ERBB4: variants seen among roughly 807,000 people sequenced by gnomAD.
ERBB4 encodes the protein receptor tyrosine-protein kinase erbB-4.
ERBB4 carries 42 observed loss-of-function variants against 158.0 expected under a neutral mutation model. The ratio of observed to expected loss-of-function variants is 0.27; its 90% CI spans 0.21 to 0.34. The LOEUF (loss-of-function observed/expected upper bound fraction) is 0.34. Among genes scored for constraint, ERBB4 ranks in the 10% least tolerant of loss-of-function variants. ERBB4 has a pLI of 1.00. For missense variants in ERBB4, 1,333 were observed against 1,624.1 expected, an observed-to-expected ratio of 0.82 and a Z score of 3.08; for synonymous variants, 583 against 558.7, an observed-to-expected ratio of 1.04 and a Z score of -0.61.
At chr2:212,131,292 A>G (rs911498863) in intron 1 of ERBB4, among the ~76,000 whole-genome samples, 1 of 152,200 alleles carries the variant, frequency 6.6e-6, no homozygotes, top group South Asian at 2.1e-4. Flanking sequence ...TTCGCAACCC[A>G]GAGAACAGAA....
At chr2:212,399,536 T>TTATATATACATATATATATATA (rs1231141165) in intron 1 of ERBB4, among the ~76,000 whole-genome samples, 1 of 20,792 alleles carries the variant, frequency 4.8e-5, no homozygotes, top group Non-Finnish European at 1.0e-4. Flanking sequence ...GATATATATT[T>TTATATATACATATATATATATA]TATATATACA....
intron 20 of ERBB4, among the ~76,000 whole-genome samples, chr2:211,465,941 G>T (rs770968145): frequency 6.6e-6 from 1 of 152,106 alleles, no homozygotes; most frequent in Non-Finnish European, 1.5e-5. Flanking sequence ...GTCTTAATCG[G>T]TGCTGAAGCT....
At chr2:211,657,454 A>G in intron 16 of ERBB4, 1 of 367,806 alleles carries the variant, frequency 2.7e-6, no homozygotes, top group Non-Finnish European at 5.2e-6. Context: ...GGTTGCAGTG[A>G]GCCAAGATCA....
At chr2:212,079,649 A>C (rs2078377553) in intron 2 of ERBB4, among the ~76,000 whole-genome samples, 1 of 152,086 alleles carries the variant, frequency 6.6e-6, no homozygotes, top group South Asian at 2.1e-4. Context: ...AAACCAAATA[A>C]ATATCATCAT....
rs1457159028 is a variant in ERBB4 at position 212,381,635 on chromosome 2, A to C, written c.82+156814T>G. On this transcript the variant is annotated intron_variant, in intron 1 of 27. Transcript: ENST00000342788. ...AATTAGTCATGTCTCCAATTGCCTT[A>C]TTAGATTTATTCATGACGGAATCAT... 2.0e-5 allele frequency among the ~76,000 whole-genome samples: 3 copies of C among 151,326 alleles called. No individual in the cohort carries two copies. In the East Asian group the frequency reaches 5.8e-4, roughly 29 times the overall value.
intron 16 of ERBB4, among the ~76,000 whole-genome samples, chr2:211,642,878 T>C (rs1298005539): frequency 1.3e-5 from 2 of 152,156 alleles, no homozygotes; most frequent in Non-Finnish European, 2.9e-5. Context: ...GGAAAGAAAA[T>C]GAGAAGAGTT....
chr2:211,937,393 T>C (rs1377587908), intron 3 of ERBB4, among the ~76,000 whole-genome samples: 1 of 152,138 alleles, frequency 6.6e-6, no homozygotes. Flanking sequence ...TAGAAATAAT[T>C]CTTAACAGAT....
rs559224814 is a variant in ERBB4, at chr2:211,661,494, G to C, written c.1872-3666C>G. On this transcript the variant is annotated intron_variant, in intron 15 of 27. Coordinates refer to ENST00000342788, the MANE Select transcript of ERBB4 (RefSeq NM_005235.3). The stretch of plus-strand genomic sequence containing the variant: ...ATTCCAAAACAATATCTAAAGTTCT[G>C]AATATTAAACTGTGTTTAACCTTTG... Among the ~76,000 whole-genome samples the C allele has an allele frequency of 2.0e-5, 3 of 152,196 alleles. No individual in the cohort carries two copies. The East Asian group carries it at 5.8e-4, about 29-fold the overall frequency.
At chr2:212,452,194 A>G (rs1400250741) in intron 1 of ERBB4, among the ~76,000 whole-genome samples, 1 of 152,084 alleles carries the variant, frequency 6.6e-6, no homozygotes. Context: ...CAGCCTAATG[A>G]CCTTGCATAT....
At chr2:212,387,543 G>A (rs182866927) in intron 1 of ERBB4, among the ~76,000 whole-genome samples, 2 of 151,280 alleles carry the variant, frequency 1.3e-5, no homozygotes, top group South Asian at 4.2e-4. Context: ...TCAGCCTCCC[G>A]AGTAGCTGGG....
intron 1 of ERBB4, among the ~76,000 whole-genome samples, chr2:212,335,411 T>C (rs2088383498): frequency 6.6e-6 from 1 of 151,990 alleles, no homozygotes; most frequent in African/African-American, 2.4e-5. Context: ...ACTAATGATT[T>C]GTAATTTAAA....
chr2:211,442,773 CTTGA>C (rs1444086434), intron 20 of ERBB4, among the ~76,000 whole-genome samples: 12 of 151,842 alleles, frequency 7.9e-5, no homozygotes, highest in African/African-American at 1.7e-4. Flanking sequence ...CATCTATTGA[CTTGA>C]TTAATTTGTC....
At chr2:211,692,605 G>C (rs1340686481) in intron 12 of ERBB4, among the ~76,000 whole-genome samples, 1 of 152,074 alleles carries the variant, frequency 6.6e-6, no homozygotes, top group African/African-American at 2.4e-5. Context: ...TTTGGCGTTG[G>C]CTTGCAGTGA....
At chr2:212,187,105 C>G (rs1334859420) in intron 1 of ERBB4, among the ~76,000 whole-genome samples, 1 of 152,020 alleles carries the variant, frequency 6.6e-6, no homozygotes, top group Admixed American at 6.6e-5. Context: ...TTACTTGACT[C>G]TACTGTTAAA....
At position 212,278,711 on chromosome 2, in the gene ERBB4, T is replaced by C. The variant is rs552361582; in HGVS notation, c.83-153808A>G. Among the ~76,000 whole-genome samples the C allele has an allele frequency of 5.1e-4, 77 of 151,810 alleles. 2 individuals carry two copies. In the South Asian group the frequency reaches 0.015, roughly 30 times the overall value. The stretch of plus-strand genomic sequence containing the variant: ...AAAGTAAGGCACATTTGGTAGCTAG[T>C]ATTTTAGAATGAAGGTAGAAAAGCA... On this transcript the variant is annotated intron_variant, in intron 1 of 27. Coordinates refer to ENST00000342788, the MANE Select transcript of ERBB4 (RefSeq NM_005235.3).
chr2:212,089,091 G>T (rs2125487915), intron 2 of ERBB4, among the ~76,000 whole-genome samples: 1 of 152,170 alleles, frequency 6.6e-6, no homozygotes, highest in African/African-American at 2.4e-5. Context: ...GTCAATAGTT[G>T]ACAAAGGAAA....
At chr2:212,184,688 CA>C (rs1022292171) in intron 1 of ERBB4, among the ~76,000 whole-genome samples, 1 of 151,870 alleles carries the variant, frequency 6.6e-6, no homozygotes, top group African/African-American at 2.4e-5. Flanking sequence ...ATTGCAGTTA[CA>C]AAAATATTAC....
intron 3 of ERBB4, among the ~76,000 whole-genome samples, chr2:211,923,698 T>C (rs982495265): frequency 1.8e-4 from 28 of 151,672 alleles, no homozygotes; most frequent in Admixed American, 7.9e-4. Flanking sequence ...TTTTAGAGGT[T>C]GCTCATAATC....
intron 3 of ERBB4, among the ~76,000 whole-genome samples, chr2:211,926,390 C>T (rs2080022162): frequency 6.6e-6 from 1 of 152,096 alleles, no homozygotes; most frequent in Non-Finnish European, 1.5e-5. Context: ...AGTACTTTTA[C>T]ATATACTTCC....
Sources: allele counts gnomAD v4.1 joint callset (sites outside exome capture counted in the v4.1 genomes callset), GRCh38; gene constraint gnomAD v4.1.1; transcripts MANE v1.5; gene names NCBI Gene and HGNC (gene_info 2026-07-23, HGNC 2026-07-21).